MICU1: variants seen among roughly 807,000 people sequenced by gnomAD.
The protein encoded by MICU1 is mitochondrial calcium uptake 1.
Under a neutral mutation model 56.8 loss-of-function variants are expected in MICU1, and 45 were observed. That is an observed-to-expected ratio of 0.79 (90% CI 0.62 to 1.02). The LOEUF (loss-of-function observed/expected upper bound fraction) is 1.02. Ranked by LOEUF, MICU1 falls within the 50% of genes least tolerant of loss-of-function variation. The pLI is 0.00. For synonymous variants in MICU1, 186 were observed against 195.1 expected, an observed-to-expected ratio of 0.95 and a Z score of 0.39; for missense variants, 504 against 587.1, an observed-to-expected ratio of 0.86 and a Z score of 1.46.
intron 1 of MICU1, among the ~76,000 whole-genome samples, chr10:72,615,455 T>C (rs1318157388): frequency 6.6e-6 from 1 of 152,146 alleles, no homozygotes; most frequent in African/African-American, 2.4e-5. Context: ...TCTATTCCTT[T>C]TTTTTCCTGT....
intron 9 of MICU1, among the ~76,000 whole-genome samples, chr10:72,411,055 C>T (rs1215894793): frequency 6.6e-6 from 1 of 152,170 alleles, no homozygotes; most frequent in African/African-American, 2.4e-5. Context: ...GATTCTGACA[C>T]AAGCTACAGG....
chr10:72,442,666 A>AT lies in MICU1; in HGVS notation c.934-19296dup, dbSNP rs1484488486. On this transcript the variant is annotated intron_variant, in intron 8 of 11. Coordinates refer to ENST00000361114, the MANE Select transcript of MICU1 (RefSeq NM_001195518.2). Reference sequence around the variant, plus strand: ...ATTTGTACAAATGCCCTACTTACTGATTTTTCCAAAACATATTAAACTTTC... The same window carrying AT: ...ATTTGTACAAATGCCCTACTTACTGATTTTTTCCAAAACATATTAAACTTTC... 4.6e-5 allele frequency among the ~76,000 whole-genome samples: 7 copies of AT among 152,166 alleles called. No homozygotes were observed. In the East Asian group the frequency reaches 1.3e-3, roughly 29 times the overall value.
At chr10:72,393,977 C>T (rs1050772618) in intron 10 of MICU1, among the ~76,000 whole-genome samples, 8 of 152,136 alleles carry the variant, frequency 5.3e-5, no homozygotes, top group Admixed American at 2.0e-4. Context: ...CCATGTTGGC[C>T]AGGATGGTCT....
Position 72,576,085 on chromosome 10 carries a change from G to T in MICU1, c.-1-9291C>A, listed in dbSNP as rs191741626. On this transcript the variant is annotated intron_variant, in intron 1 of 11. Coordinates refer to ENST00000361114, the MANE Select transcript of MICU1 (RefSeq NM_001195518.2). ...AAAAATTAGCTGGGCATGGTGGTGG[G>T]AGCCTGTAATCCCAGCTATTCGGGA... Among the ~76,000 whole-genome samples, 1,184 of 152,024 alleles carry T rather than the reference G, an allele frequency of 7.8e-3. 16 individuals carry two copies. Among genetic ancestry groups the T allele is most frequent in the African/African-American group, 0.026 (1,070 of 41,460 alleles).
At chr10:72,526,137 G>A (rs1867955798) in intron 5 of MICU1, among the ~76,000 whole-genome samples, 1 of 151,974 alleles carries the variant, frequency 6.6e-6, no homozygotes, top group South Asian at 2.1e-4. Context: ...TTTGAAAGAG[G>A]AGCTAAAACT....
chr10:72,615,660 G>A (rs1248776260), intron 1 of MICU1, among the ~76,000 whole-genome samples: 1 of 151,942 alleles, frequency 6.6e-6, no homozygotes, highest in Non-Finnish European at 1.5e-5. Flanking sequence ...AGTTCAGTTT[G>A]AGTTTTTTTA....
chr10:72,487,457 G>A (rs924867017), intron 6 of MICU1, among the ~76,000 whole-genome samples: 3 of 152,104 alleles, frequency 2.0e-5, no homozygotes, highest in African/African-American at 7.2e-5. Context: ...ATGAAACATG[G>A]CTTTACCAGC....
chr10:72,369,264 C>T (rs866146618), intron 11 of MICU1, among the ~76,000 whole-genome samples: 11 of 149,490 alleles, frequency 7.4e-5, no homozygotes, highest in African/African-American at 2.5e-4. Flanking sequence ...ATGACCACTG[C>T]ACTCCAGCCT....
At chr10:72,449,839 T>A (rs555203933) in intron 8 of MICU1, among the ~76,000 whole-genome samples, 1 of 152,058 alleles carries the variant, frequency 6.6e-6, no homozygotes, top group Non-Finnish European at 1.5e-5. Flanking sequence ...GGAAGTGGAG[T>A]GGGCAAAATC....
chr10:72,551,394 C>T, intron 3 of MICU1, 53 bp from the exon 4 acceptor site: 1 of 1,246,174 alleles, frequency 8.0e-7, no homozygotes, highest in Non-Finnish European at 1.1e-6. Context: ...CTCATATGCT[C>T]ATATATTCTT....
intron 1 of MICU1, among the ~76,000 whole-genome samples, chr10:72,568,548 G>A (rs1359933089): frequency 6.6e-6 from 1 of 151,924 alleles, no homozygotes; most frequent in East Asian, 1.9e-4. Context: ...CTTCAAACTG[G>A]CATCCATAAT....
intron 1 of MICU1, among the ~76,000 whole-genome samples, chr10:72,622,523 G>A (rs1246398765): frequency 6.6e-6 from 1 of 152,194 alleles, no homozygotes. Context: ...CCATACAGTG[G>A]TGCGCTGGAA....
At chr10:72,399,446 G>A (rs7072742) in intron 10 of MICU1, among the ~76,000 whole-genome samples, 1 of 151,950 alleles carries the variant, frequency 6.6e-6, no homozygotes, top group Non-Finnish European at 1.5e-5. Context: ...ATGTGCCCTA[G>A]AACTTGAAGT....
chr10:72,484,565 C>T (rs1866404600), intron 6 of MICU1, among the ~76,000 whole-genome samples: 1 of 152,072 alleles, frequency 6.6e-6, no homozygotes, highest in Non-Finnish European at 1.5e-5. Flanking sequence ...CTAAGAATTC[C>T]ATAAAAGAGA....
At chr10:72,583,818 G>A (rs1045855916) in intron 1 of MICU1, among the ~76,000 whole-genome samples, 8 of 152,052 alleles carry the variant, frequency 5.3e-5, no homozygotes, top group African/African-American at 1.9e-4. Flanking sequence ...TAGAATGACT[G>A]CCAAAATACA....
chr10:72,416,155 G>A (rs1863976074), intron 9 of MICU1, among the ~76,000 whole-genome samples: 1 of 152,034 alleles, frequency 6.6e-6, no homozygotes, highest in African/African-American at 2.4e-5. Context: ...TGAGGGATAG[G>A]GAATAGGGGA....
Position 72,443,504 on chromosome 10 carries a change from G to A in MICU1, c.934-20133C>T, listed in dbSNP as rs535634499. ...TCTTCTAGGGTTTTTATGGTTTTAG[G>A]TCTAACGTTTAAGTCTTTAATCCAT... On this transcript the variant is annotated intron_variant, in intron 8 of 11. Transcript: ENST00000361114. Among the ~76,000 whole-genome samples the A allele has an allele frequency of 4.6e-5, 7 of 152,266 alleles. No individual in the cohort carries two copies. The South Asian group carries it at 1.5e-3, about 32-fold the overall frequency.
intron 9 of MICU1, among the ~76,000 whole-genome samples, chr10:72,414,924 G>A (rs186559328): frequency 6.6e-6 from 1 of 151,462 alleles, no homozygotes; most frequent in African/African-American, 2.4e-5. Context: ...TCTGTCTATG[G>A]CCCACTGAAA....
chr10:72,610,187 G>C (rs1166651715), intron 1 of MICU1, among the ~76,000 whole-genome samples: 1 of 149,706 alleles, frequency 6.7e-6, no homozygotes, highest in Non-Finnish European at 1.5e-5. Context: ...CTTGAGTCCA[G>C]GAGTTTGAGG....
Sources: allele counts gnomAD v4.1 joint callset (sites outside exome capture counted in the v4.1 genomes callset), GRCh38; gene constraint gnomAD v4.1.1; transcripts MANE v1.5; gene names NCBI Gene and HGNC (gene_info 2026-07-23, HGNC 2026-07-21).